LUZP2: variants seen among roughly 807,000 people sequenced by gnomAD.
LUZP2 encodes leucine zipper protein 2.
In LUZP2, 52 loss-of-function variants were observed where a neutral mutation model predicts 51.6. The ratio of observed to expected loss-of-function variants is 1.01; its 90% CI spans 0.81 to 1.27. The LOEUF is 1.27. Ranked by LOEUF, LUZP2 falls within the 50% of genes most tolerant of loss-of-function variation. The pLI, the probability that LUZP2 is intolerant of heterozygous loss-of-function variation, is 0.00. For missense variants in LUZP2, 436 were observed against 395.4 expected (o/e 1.10, Z -0.87); for synonymous variants, 154 against 137.3 (o/e 1.12, Z -0.85).
intron 5 of LUZP2, among the ~76,000 whole-genome samples, chr11:24,864,773 G>T (rs1851838783): frequency 1.3e-5 from 2 of 152,148 alleles, no homozygotes; most frequent in South Asian, 4.1e-4. Context: ...TGCTTCATAA[G>T]TCCCACTCCT....
chr11:24,531,580 C>T (rs942229506), intron 1 of LUZP2, among the ~76,000 whole-genome samples: 1 of 150,892 alleles, frequency 6.6e-6, no homozygotes, highest in African/African-American at 2.4e-5. Flanking sequence ...TGGCTAACCT[C>T]CCTTTCCCCT....
At chr11:24,584,055 T>A (rs1189702274) in intron 1 of LUZP2, among the ~76,000 whole-genome samples, 1 of 152,102 alleles carries the variant, frequency 6.6e-6, no homozygotes, top group Non-Finnish European at 1.5e-5. Flanking sequence ...TTTTATTCTT[T>A]CATTAATTCA....
At chr11:24,823,535 T>C (rs1018812455) in intron 5 of LUZP2, among the ~76,000 whole-genome samples, 1 of 152,116 alleles carries the variant, frequency 6.6e-6, no homozygotes, top group African/African-American at 2.4e-5. Context: ...AACAAAATGA[T>C]TCTATTCATT....
chr11:24,714,863 C>A (rs1283102851), intron 1 of LUZP2, among the ~76,000 whole-genome samples: 1 of 152,146 alleles, frequency 6.6e-6, no homozygotes, highest in Admixed American at 6.5e-5. Flanking sequence ...AGATCTCCAC[C>A]AGAGAGACTG....
chr11:24,689,314 G>A (rs1856996157), intron 1 of LUZP2, among the ~76,000 whole-genome samples: 1 of 152,128 alleles, frequency 6.6e-6, no homozygotes, highest in Non-Finnish European at 1.5e-5. Context: ...CATGCACAGT[G>A]TATTTACTGA....
chr11:24,688,438 C>T (rs1856964584), intron 1 of LUZP2, among the ~76,000 whole-genome samples: 1 of 152,074 alleles, frequency 6.6e-6, no homozygotes, highest in African/African-American at 2.4e-5. Flanking sequence ...GTTATTTATT[C>T]TGTGCCTCTC....
intron 1 of LUZP2, among the ~76,000 whole-genome samples, chr11:24,607,810 G>A (rs4281483): frequency 0.19 from 27,999 of 148,822 alleles, 3,347 homozygotes; most frequent in Middle Eastern, 0.38. Flanking sequence ...ACATCTGTTG[G>A]TACATCTATC....
chr11:24,577,104 A>G (rs982502833), intron 1 of LUZP2, among the ~76,000 whole-genome samples: 2 of 151,828 alleles, frequency 1.3e-5, no homozygotes, highest in African/African-American at 2.4e-5. Context: ...TGAAATCATT[A>G]ACAATTTTAC....
At chr11:24,775,318 T>C (rs1848882619) in intron 5 of LUZP2, among the ~76,000 whole-genome samples, 1 of 152,202 alleles carries the variant, frequency 6.6e-6, no homozygotes, top group East Asian at 1.9e-4. Context: ...TTCATTTTGA[T>C]AGTGCATTGT....
intron 1 of LUZP2, among the ~76,000 whole-genome samples, chr11:24,638,064 A>T (rs964957085): frequency 1.3e-5 from 2 of 151,748 alleles, no homozygotes; most frequent in Non-Finnish European, 2.9e-5. Context: ...ACTGGCCAAC[A>T]CTTAGGGAAA....
At chr11:25,006,079 A>G (rs141088794) in intron 9 of LUZP2, among the ~76,000 whole-genome samples, 1 of 141,542 alleles carries the variant, frequency 7.1e-6, no homozygotes, top group East Asian at 2.0e-4. Context: ...CTGAGAAGGG[A>G]TCCTAAAATT....
intron 4 of LUZP2, among the ~76,000 whole-genome samples, chr11:24,739,398 T>A (rs577358459): frequency 6.6e-6 from 1 of 151,980 alleles, no homozygotes; most frequent in Non-Finnish European, 1.5e-5. Context: ...TGTTTTTCGA[T>A]TGGTTGTTTG....
At chr11:24,823,137 G>A (rs1022664929) in intron 5 of LUZP2, among the ~76,000 whole-genome samples, 8 of 152,080 alleles carry the variant, frequency 5.3e-5, no homozygotes, top group Admixed American at 6.6e-5. Context: ...AAGCTAATAC[G>A]GTAAGGTTAT....
At chr11:25,000,631 C>T (rs1454232706) in intron 9 of LUZP2, among the ~76,000 whole-genome samples, 1 of 152,142 alleles carries the variant, frequency 6.6e-6, no homozygotes, top group African/African-American at 2.4e-5. Context: ...AGCCATGTTG[C>T]CCAACTCCAG....
At chr11:24,962,972 C>T (rs1346963185) in intron 7 of LUZP2, among the ~76,000 whole-genome samples, 3 of 152,128 alleles carry the variant, frequency 2.0e-5, no homozygotes, top group East Asian at 3.9e-4. Flanking sequence ...GTTAGTTTTC[C>T]TTCTAACTGA....
intron 1 of LUZP2, among the ~76,000 whole-genome samples, chr11:24,659,582 A>G (rs1855945261): frequency 6.6e-6 from 1 of 152,110 alleles, no homozygotes; most frequent in South Asian, 2.1e-4. Flanking sequence ...AAAAAAAAAT[A>G]AGAACTAGGA....
intron 5 of LUZP2, among the ~76,000 whole-genome samples, chr11:24,825,467 C>T (rs10767250): frequency 0.82 from 123,664 of 151,646 alleles, 50,991 homozygotes; most frequent in East Asian, 0.93. Context: ...TGCATTTAAT[C>T]TGGTCTTCAG....
At chr11:24,965,237 A>T (rs1338428053) in intron 7 of LUZP2, among the ~76,000 whole-genome samples, 3 of 149,236 alleles carry the variant, frequency 2.0e-5, no homozygotes, top group Admixed American at 6.8e-5. Flanking sequence ...TATCAATTCT[A>T]GACATGTAAT....
chr11:24,847,411 G>A (rs2631468), intron 5 of LUZP2, among the ~76,000 whole-genome samples: 23,307 of 151,892 alleles, frequency 0.15, 1,952 homozygotes, highest in African/African-American at 0.2. Flanking sequence ...CAGACATTTC[G>A]TTCTAGAGGT....
Sources: gnomAD v4.1 joint callset for allele counts (sites outside exome capture counted in the v4.1 genomes callset) on GRCh38, gnomAD v4.1.1 for gene constraint, MANE v1.5 for transcripts, NCBI Gene and HGNC (gene_info 2026-07-23, HGNC 2026-07-21) for gene names.